The following HDAC9 variants were observed in gnomAD, a reference collection of about 807,000 sequenced individuals.
The protein encoded by HDAC9 is histone deacetylase 9, also known as MEF-2 interacting transcription repressor (MITR) protein.
In HDAC9, 41 loss-of-function variants were observed where a neutral mutation model predicts 139.4. The observed-to-expected ratio is 0.29, with a 90% confidence interval of 0.23 to 0.38. The LOEUF is 0.38. HDAC9 is among the 10% of genes least tolerant of loss of function. The pLI is 1.00. For synonymous variants in HDAC9, 517 were observed against 476.2 expected, an observed-to-expected ratio of 1.09 and a Z score of -1.12; for missense variants, 1,147 against 1,297.0, an observed-to-expected ratio of 0.88 and a Z score of 1.78.
intron 1 of HDAC9, among the ~76,000 whole-genome samples, chr7:18,291,408 T>G (rs1016661121): frequency 2.0e-5 from 3 of 152,058 alleles, no homozygotes; most frequent in Non-Finnish European, 4.4e-5. Flanking sequence ...GTGTCTCAGT[T>G]TCCTCACCTA....
chr7:18,183,288 C>A (rs943521614), intron 2 of HDAC9, among the ~76,000 whole-genome samples: 3 of 152,154 alleles, frequency 2.0e-5, no homozygotes, highest in South Asian at 4.1e-4. Context: ...GGATTACAGG[C>A]GTGAGCCACG....
At position 18,793,390 on chromosome 7, in the gene HDAC9, G is replaced by A; in HGVS notation, c.2260G>A (p.Ala754Thr). 14 of 1,586,524 alleles carry A rather than the reference G, an allele frequency of 8.8e-6. No homozygotes were observed. Among genetic ancestry groups the A allele is most frequent in the Non-Finnish European group, 1.2e-5 (14 of 1,166,390 alleles). ...GAATGAGCTACACTCGTCCGGTGCT[G>A]CACGCATGGCTGTTGGCTGTGTCAT... The part of the protein sequence containing the change: ...IWNELHSSGA[A>T]RMAVGCVIEL... Residue 754 changes from alanine to threonine, a missense_variant, in exon 17 of 26, where the codon GCA becomes ACA. Ala to Thr is a moderately conservative substitution (Grantham distance 58, BLOSUM62 0). Around this residue, in one of 7 missense-constraint regions of HDAC9, gnomAD observed 407 missense variants for 521.5 expected, o/e 0.78. Transcript: ENST00000686413.
At chr7:18,265,991 A>G (rs921688689) in intron 2 of HDAC9, among the ~76,000 whole-genome samples, 8 of 152,182 alleles carry the variant, frequency 5.3e-5, no homozygotes, top group South Asian at 4.1e-4. Context: ...AGCTGACACC[A>G]TATCAATAAT....
intron 2 of HDAC9, among the ~76,000 whole-genome samples, chr7:18,545,311 T>C (rs1468670263): frequency 6.6e-6 from 1 of 152,110 alleles, no homozygotes; most frequent in African/African-American, 2.4e-5. Context: ...TAAAACTTGG[T>C]TTTGGAAGTT....
At position 18,661,421 on chromosome 7, in the gene HDAC9, CAG is replaced by C. The variant is rs559612083; in HGVS notation, c.1468-4791_1468-4790del. The stretch of plus-strand genomic sequence containing the variant: ...CAGCTAACTATGCAAGTTTGGAGCT[CAG>C]GGGAGAGATTGGAATTGCTCCTATT... On this transcript the variant is annotated intron_variant, in intron 11 of 25. Coordinates refer to ENST00000686413, the MANE Select transcript of HDAC9 (RefSeq NM_178425.4). Among the ~76,000 whole-genome samples the C allele has an allele frequency of 6.0e-3, 906 of 152,154 alleles. 7 individuals carry two copies. The highest frequency in any genetic ancestry group is 0.021 in the African/African-American group (869 of 41,544).
intron 1 of HDAC9, among the ~76,000 whole-genome samples, chr7:18,103,374 AG>A (rs1262388157): frequency 6.6e-6 from 1 of 152,070 alleles, no homozygotes; most frequent in Non-Finnish European, 1.5e-5. Context: ...TACATATGCA[AG>A]TTTGTTACAA....
At chr7:18,380,166 G>A (rs1785306681) in intron 1 of HDAC9, among the ~76,000 whole-genome samples, 1 of 152,124 alleles carries the variant, frequency 6.6e-6, no homozygotes, top group African/African-American at 2.4e-5. Context: ...ATTGTTTGCA[G>A]AAGGCCTGAA....
intron 21 of HDAC9, among the ~76,000 whole-genome samples, chr7:18,866,475 C>T (rs1397564189): frequency 6.6e-6 from 1 of 152,082 alleles, no homozygotes; most frequent in Admixed American, 6.6e-5. Context: ...TTGTTGGTTG[C>T]CCGCTCTCCT....
At chr7:18,323,084 T>A (rs1333191) in intron 1 of HDAC9, among the ~76,000 whole-genome samples, 46,861 of 152,004 alleles carry the variant, frequency 0.31, 7,561 homozygotes, top group East Asian at 0.46. Context: ...AAGGTTTATG[T>A]GTTATTTATC....
At chr7:18,335,557 G>T (rs183873586) in intron 1 of HDAC9, among the ~76,000 whole-genome samples, 17 of 151,664 alleles carry the variant, frequency 1.1e-4, no homozygotes. Context: ...GAGCCTGGGA[G>T]AGTAAAAGGG....
At chr7:18,103,702 A>G (rs1783002430) in intron 1 of HDAC9, among the ~76,000 whole-genome samples, 1 of 152,240 alleles carries the variant, frequency 6.6e-6, no homozygotes, top group South Asian at 2.1e-4. Context: ...ATGACGTACA[A>G]GGAAACCACT....
At chr7:18,991,069 C>G (rs754700511) in intron 25 of HDAC9, among the ~76,000 whole-genome samples, 7 of 152,156 alleles carry the variant, frequency 4.6e-5, no homozygotes, top group Admixed American at 2.6e-4. Flanking sequence ...TGGCTCCTCT[C>G]GATCTTTATT....
chr7:18,255,681 C>A (rs192434920), intron 2 of HDAC9, among the ~76,000 whole-genome samples: 1 of 140,172 alleles, frequency 7.1e-6, no homozygotes, highest in Non-Finnish European at 1.5e-5. Context: ...CAGGCGGGCG[C>A]GCGGTGACGT....
At chr7:18,195,642 C>T (rs780949881) in intron 2 of HDAC9, among the ~76,000 whole-genome samples, 6 of 152,108 alleles carry the variant, frequency 3.9e-5, no homozygotes, top group Non-Finnish European at 8.8e-5. Flanking sequence ...ATGCTTCAGC[C>T]GGGCCTGCTT....
chr7:18,960,319 G>A (rs540477392), intron 24 of HDAC9, among the ~76,000 whole-genome samples: 22 of 152,176 alleles, frequency 1.4e-4, no homozygotes, highest in African/African-American at 5.1e-4. Context: ...TCAGAACTGT[G>A]CTTGATTTAT....
intron 1 of HDAC9, among the ~76,000 whole-genome samples, chr7:18,403,442 C>T (rs1284665240): frequency 6.6e-6 from 1 of 152,094 alleles, no homozygotes; most frequent in Non-Finnish European, 1.5e-5. Context: ...AAAATCGAAA[C>T]ACGCTGTTGC....
At chr7:18,793,295 C>A in intron 16 of HDAC9, 50 bp from the exon 17 acceptor site, 1 of 1,292,206 alleles carries the variant, frequency 7.7e-7, no homozygotes. Flanking sequence ...TCTCTTCCTT[C>A]TCTTTCGCTT....
intron 1 of HDAC9, among the ~76,000 whole-genome samples, chr7:18,375,836 C>A (rs1490777244): frequency 2.0e-5 from 3 of 152,152 alleles, no homozygotes; most frequent in Admixed American, 1.3e-4. Context: ...GGTATCCATG[C>A]CTCATCTAGA....
chr7:18,411,516 A>C (rs913651833), intron 1 of HDAC9, among the ~76,000 whole-genome samples: 5 of 152,112 alleles, frequency 3.3e-5, no homozygotes, highest in Non-Finnish European at 5.9e-5. Context: ...CTGGGGCTAC[A>C]GGTGTACACC....
Sources: gnomAD v4.1 joint callset for allele counts (sites outside exome capture counted in the v4.1 genomes callset) on GRCh38, gnomAD v4.1.1 for gene constraint, gnomAD v4.1.1 regional missense constraint, MANE v1.5 for transcripts, NCBI Gene and HGNC (gene_info 2026-07-23, HGNC 2026-07-21) for gene names.